Variants in RNGTT observed in about 807,000 individuals in gnomAD.
RNGTT encodes RNA guanylyltransferase and 5'-phosphatase.
RNGTT carries 33 observed loss-of-function variants against 79.3 expected under a neutral mutation model. The ratio of observed to expected loss-of-function variants is 0.42; its 90% CI spans 0.32 to 0.56. RNGTT has a LOEUF of 0.56. Among genes scored for constraint, RNGTT ranks in the 20% least tolerant of loss-of-function variants. The pLI is 0.17. For missense variants in RNGTT, 497 were observed against 739.1 expected (o/e 0.67, Z 3.80); for synonymous variants, 222 against 235.9 (o/e 0.94, Z 0.54).
At chr6:88,765,757 T>C (rs1778438688) in intron 13 of RNGTT, among the ~76,000 whole-genome samples, 1 of 152,184 alleles carries the variant, frequency 6.6e-6, no homozygotes, top group African/African-American at 2.4e-5. Context: ...ATGCTATATA[T>C]ACCAGTATAT....
chr6:88,698,221 T>G (rs867590141), intron 13 of RNGTT, among the ~76,000 whole-genome samples: 980 of 78,456 alleles, frequency 0.012, 114 homozygotes, highest in African/African-American at 0.12. Flanking sequence ...AATATATATA[T>G]CATATATATA....
intron 6 of RNGTT, among the ~76,000 whole-genome samples, chr6:88,903,973 A>T (rs1247533545): frequency 1.3e-5 from 2 of 152,188 alleles, no homozygotes; most frequent in South Asian, 2.1e-4. Flanking sequence ...GGTTGGCTAG[A>T]GAAGTGAGAG....
At chr6:88,793,817 T>C (rs142956458) in intron 12 of RNGTT, among the ~76,000 whole-genome samples, 73 of 152,198 alleles carry the variant, frequency 4.8e-4, no homozygotes, top group African/African-American at 1.8e-3. Flanking sequence ...AAAGAAATCA[T>C]GGCAGGAGAA....
At chr6:88,756,735 T>C (rs564594450) in intron 13 of RNGTT, among the ~76,000 whole-genome samples, 4 of 152,174 alleles carry the variant, frequency 2.6e-5, no homozygotes, top group Non-Finnish European at 5.9e-5. Context: ...TCTTAATAGA[T>C]AACCTCCAGG....
intron 13 of RNGTT, among the ~76,000 whole-genome samples, chr6:88,726,876 A>G (rs146204523): frequency 1.3e-5 from 2 of 152,254 alleles, no homozygotes; most frequent in Non-Finnish European, 2.9e-5. Context: ...AAGTTTGCTA[A>G]AAGTTAACAG....
chr6:88,613,698 CTGGTAG>C (rs1194057962), intron 15 of RNGTT, among the ~76,000 whole-genome samples: 1 of 152,196 alleles, frequency 6.6e-6, no homozygotes, highest in Non-Finnish European at 1.5e-5. Flanking sequence ...ACAACTGCTA[CTGGTAG>C]TGGTATACCT....
intron 10 of RNGTT, among the ~76,000 whole-genome samples, chr6:88,848,908 C>T (rs1353654542): frequency 6.6e-6 from 1 of 151,960 alleles, no homozygotes; most frequent in African/African-American, 2.4e-5. Flanking sequence ...ATTTTTCAGA[C>T]TCTTCTATAT....
At position 88,678,369 on chromosome 6, in the gene RNGTT, G is replaced by C. The variant is rs762363933; in HGVS notation, c.1490C>G (p.Pro497Arg). 2 of 1,558,174 alleles carry C rather than the reference G, an allele frequency of 1.3e-6. No homozygotes were observed. Among genetic ancestry groups the C allele is most frequent in the Non-Finnish European group, 8.7e-7 (1 of 1,148,680 alleles). Residue 497 changes from proline to arginine, a missense_variant, in exon 14 of 16, where the codon CCC becomes CGC. Pro to Arg is a moderately radical substitution (Grantham distance 103). Around this residue, in one of 3 missense-constraint regions of RNGTT, gnomAD observed 440 missense variants for 671.5 expected, o/e 0.66. Coordinates refer to ENST00000369485, the MANE Select transcript of RNGTT (RefSeq NM_003800.5). ...CAAACATACCTTGATTTGTGCAAAG[G>C]GTCTTTCATAACCTCCAACATACAG... ...GLLYVGGYERPFAQIKVTKEL... is the reference protein window; with the variant it reads ...GLLYVGGYERRFAQIKVTKEL...
At chr6:88,714,494 G>A (rs1433399766) in intron 13 of RNGTT, 1 of 125,638 alleles carries the variant, frequency 8.0e-6, no homozygotes, top group Non-Finnish European at 1.5e-5. Flanking sequence ...CCAGGCTGGA[G>A]TGCAGTGGCG....
intron 6 of RNGTT, among the ~76,000 whole-genome samples, chr6:88,895,676 CCT>C (rs1355931836): frequency 6.6e-6 from 1 of 152,038 alleles, no homozygotes; most frequent in Non-Finnish European, 1.5e-5. Flanking sequence ...TCTTAGATTG[CCT>C]CTGTTAACTA....
rs906784685 is a variant in RNGTT at position 88,841,676 on chromosome 6, C to A, written c.1269+2681G>T. On this transcript the variant is annotated intron_variant, in intron 11 of 15. Coordinates refer to ENST00000369485, the MANE Select transcript of RNGTT (RefSeq NM_003800.5). ...CACGTGCAATTTTAATGTAAAAGTA[C>A]TCATAACCCAGTATCAAAGCTGAAC... Among the ~76,000 whole-genome samples the A allele has an allele frequency of 2.0e-5, 3 of 152,166 alleles. No individual in the cohort carries two copies. The South Asian group carries it at 6.2e-4, about 31-fold the overall frequency.
chr6:88,949,100 A>T, intron 1 of RNGTT, among the ~76,000 whole-genome samples: 1 of 134,126 alleles, frequency 7.5e-6, no homozygotes, highest in Non-Finnish European at 1.6e-5. Context: ...ACACCCAAGA[A>T]TTATCAATAA....
chr6:88,793,852 T>C (rs1779502969), intron 12 of RNGTT, among the ~76,000 whole-genome samples: 2 of 152,240 alleles, frequency 1.3e-5, no homozygotes, highest in Admixed American at 1.3e-4. Context: ...TACAGTCATG[T>C]AATAGTCATA....
At chr6:88,888,124 A>C (rs1424339041) in intron 8 of RNGTT, among the ~76,000 whole-genome samples, 1 of 152,174 alleles carries the variant, frequency 6.6e-6, no homozygotes, top group African/African-American at 2.4e-5. Context: ...TCTCAAAAAA[A>C]TAAGATAATA....
chr6:88,618,879 T>C (rs1211689277), intron 14 of RNGTT, among the ~76,000 whole-genome samples: 3 of 152,218 alleles, frequency 2.0e-5, no homozygotes, highest in Admixed American at 2.0e-4. Flanking sequence ...ATTCCTGCGG[T>C]GTTCTAATGG....
intron 1 of RNGTT, among the ~76,000 whole-genome samples, chr6:88,962,050 C>T (rs1785646998): frequency 6.6e-6 from 1 of 152,162 alleles, no homozygotes; most frequent in African/African-American, 2.4e-5. Flanking sequence ...AAGCCACACA[C>T]ACTTCCTTCC....
intron 14 of RNGTT, among the ~76,000 whole-genome samples, chr6:88,643,757 G>A (rs1456377383): frequency 1.3e-5 from 2 of 152,120 alleles, no homozygotes; most frequent in African/African-American, 4.8e-5. Context: ...TGACTACTGG[G>A]TACATAACGA....
At chr6:88,895,332 C>T (rs1283013095) in intron 6 of RNGTT, among the ~76,000 whole-genome samples, 1 of 151,186 alleles carries the variant, frequency 6.6e-6, no homozygotes, top group Non-Finnish European at 1.5e-5. Context: ...GAGGAAAATA[C>T]ATTCATCGTT....
At chr6:88,797,291 T>C (rs1779630174) in intron 12 of RNGTT, among the ~76,000 whole-genome samples, 1 of 152,156 alleles carries the variant, frequency 6.6e-6, no homozygotes, top group Non-Finnish European at 1.5e-5. Context: ...TAGAGACCAC[T>C]GAAAATAACA....
Sources: gnomAD v4.1 joint callset for allele counts (sites outside exome capture counted in the v4.1 genomes callset) on GRCh38, gnomAD v4.1.1 for gene constraint, gnomAD v4.1.1 regional missense constraint, MANE v1.5 for transcripts, NCBI Gene and HGNC (gene_info 2026-07-23, HGNC 2026-07-21) for gene names.